NHSL2: variants seen among roughly 807,000 people sequenced by gnomAD.
The protein encoded by NHSL2 is NHS-like protein 2.
NHSL2 carries 27 observed loss-of-function variants against 53.4 expected under a neutral mutation model. That is an observed-to-expected ratio of 0.51 (90% CI 0.37 to 0.70). The LOEUF (loss-of-function observed/expected upper bound fraction) is 0.70. NHSL2 is among the 30% of genes least tolerant of loss of function. The pLI is 0.00. For synonymous variants in NHSL2, 408 were observed against 404.1 expected, an observed-to-expected ratio of 1.01 and a Z score of -0.12; for missense variants, 892 against 980.1, an observed-to-expected ratio of 0.91 and a Z score of 1.20.
intron 1 of NHSL2, among the ~76,000 whole-genome samples, chrX:72,102,071 C>T (rs1044881628): frequency 8.9e-6 from 1 of 112,559 alleles, no homozygotes; most frequent in African/African-American, 3.2e-5. Context: ...AGTGCAGAGC[C>T]TGTCACGTGC....
At chrX:72,056,082 T>C (rs1289397525) in intron 1 of NHSL2, among the ~76,000 whole-genome samples, 1 of 112,412 alleles carries the variant, frequency 8.9e-6, no homozygotes, top group African/African-American at 3.2e-5. Context: ...TATTACCACC[T>C]AGATTTGGCC....
intron 1 of NHSL2, among the ~76,000 whole-genome samples, chrX:72,056,270 T>C (rs544416205): frequency 6.2e-5 from 7 of 112,005 alleles, no homozygotes; most frequent in African/African-American, 1.9e-4. Flanking sequence ...TAGAGATGCA[T>C]GTACAAAGAT....
At position 72,065,380 on chromosome X, in the gene NHSL2, G is replaced by T. The variant is rs187188023; in HGVS notation, c.281-66699G>T. ...AGAGAAGGTTCATGAATACGTGGAA[G>T]ATTTGGAACAATTCCAGGACATCTA... On this transcript the variant is annotated intron_variant, in intron 1 of 7. Transcript: ENST00000633930. 1.1e-3 allele frequency among the ~76,000 whole-genome samples: 122 copies of T among 112,479 alleles called. 1 individual carries two copies. Among genetic ancestry groups the T allele is most frequent in the African/African-American group, 3.7e-3 (116 of 30,965 alleles).
intron 1 of NHSL2, among the ~76,000 whole-genome samples, chrX:71,965,626 T>G (rs1437895635): frequency 8.9e-6 from 1 of 112,083 alleles, no homozygotes; most frequent in Non-Finnish European, 1.9e-5. Flanking sequence ...TTAGAATCAG[T>G]TTGTTGATAT....
intron 7 of NHSL2, 147 bp from the exon 8 acceptor site, chrX:72,143,106 G>A: frequency 2.2e-6 from 1 of 450,474 alleles, no homozygotes; most frequent in Middle Eastern, 6.3e-4. Context: ...GGACTCTGAG[G>A]ATTTAGAGGT....
chrX:72,144,695 G>C lies in NHSL2; in HGVS notation c.*1121G>C. ...AAAGGCAGTCTTGCCAGTTGCTATGGCCCATAATGCACACACACACACACA... is the reference window on the plus strand; with the variant it reads ...AAAGGCAGTCTTGCCAGTTGCTATGCCCCATAATGCACACACACACACACA... On this transcript the variant is annotated 3_prime_UTR_variant, in exon 8 of 8. Transcript: ENST00000633930. The C allele has an allele frequency of 3.7e-6, 1 of 271,368 alleles. No homozygotes were observed. The highest frequency in any genetic ancestry group is 6.7e-6 in the Non-Finnish European group (1 of 150,110). The allele number at this position is 271,368 out of a possible 1,213,427, so 22.4% of individuals were successfully genotyped here.
chrX:72,108,686 A>G (rs991521409), intron 1 of NHSL2, among the ~76,000 whole-genome samples: 1 of 112,364 alleles, frequency 8.9e-6, no homozygotes, highest in Non-Finnish European at 1.9e-5. Flanking sequence ...TAGACGTGAA[A>G]TCCCGAGGCC....
intron 1 of NHSL2, among the ~76,000 whole-genome samples, chrX:72,011,707 G>A (rs1006925471): frequency 5.4e-5 from 6 of 111,260 alleles, no homozygotes; most frequent in African/African-American, 9.8e-5. Context: ...TTTCCAGAGC[G>A]GCTGTACCAT....
intron 1 of NHSL2, among the ~76,000 whole-genome samples, chrX:71,986,221 T>C (rs2042002358): frequency 8.9e-6 from 1 of 111,980 alleles, no homozygotes; most frequent in Non-Finnish European, 1.9e-5. Context: ...ACCTAATATC[T>C]AAAAGATTAA....
intron 1 of NHSL2, among the ~76,000 whole-genome samples, chrX:71,988,660 TG>T (rs1349592189): frequency 9.0e-6 from 1 of 111,373 alleles, no homozygotes; most frequent in Non-Finnish European, 1.9e-5. Context: ...GTCGGCCAAC[TG>T]GTGCTGCAGA....
At chrX:72,066,578 TGAGAAGAG>T (rs1223405779) in intron 1 of NHSL2, among the ~76,000 whole-genome samples, 1 of 110,788 alleles carries the variant, frequency 9.0e-6, no homozygotes, top group Non-Finnish European at 1.9e-5. Context: ...GAAGCTCAGA[TGAGAAGAG>T]GAGAAGAGTG....
At chrX:71,941,443 G>A (rs980107386) in intron 1 of NHSL2, among the ~76,000 whole-genome samples, 1 of 111,435 alleles carries the variant, frequency 9.0e-6, no homozygotes, top group African/African-American at 3.3e-5. Flanking sequence ...GAATGGTTAA[G>A]GGGCTCTGGA....
rs749601695 is a variant in NHSL2 at position 72,132,364 on chromosome X, C to T, written c.436+130C>T. The stretch of plus-strand genomic sequence containing the variant: ...GAGAGTTTAAAAACAATCGACAAAG[C>T]AGTTTCCAGCTTTCACCTTTCAGCC... On this transcript the variant is annotated intron_variant, in intron 2 of 7. Coordinates refer to ENST00000633930, the MANE Select transcript of NHSL2 (RefSeq NM_001013627.3). The T allele has an allele frequency of 1.3e-5, 8 of 620,207 alleles. No individual in the cohort carries two copies. In the South Asian group the frequency reaches 2.4e-4, roughly 18 times the overall value. 51.1% of individuals were successfully genotyped at this position (620,207 alleles called of 1,213,427 possible).
At chrX:72,037,583 A>G (rs1049483387) in intron 1 of NHSL2, among the ~76,000 whole-genome samples, 4 of 111,631 alleles carry the variant, frequency 3.6e-5, no homozygotes, top group Non-Finnish European at 7.5e-5. Context: ...GATGCTTCAC[A>G]CAGGGGCAGA....
At chrX:72,140,870 C>A in intron 6 of NHSL2, 99 bp downstream of exon 6, 2 of 741,858 alleles carry the variant, frequency 2.7e-6, no homozygotes, top group East Asian at 3.5e-5. Flanking sequence ...GAATAATTAT[C>A]CTGATCCCAA....
At chrX:72,119,147 A>G (rs2042162728) in intron 1 of NHSL2, among the ~76,000 whole-genome samples, 1 of 111,885 alleles carries the variant, frequency 8.9e-6, no homozygotes, top group African/African-American at 3.3e-5. Flanking sequence ...GTCTATCCTT[A>G]TGTTAGCAAC....
rs1049847024 is a variant in NHSL2, at chrX:72,056,479, C to T, written c.281-75600C>T. Among the ~76,000 whole-genome samples the T allele has an allele frequency of 1.7e-4, 19 of 111,288 alleles. 1 individual carries two copies. The highest frequency in any genetic ancestry group is 3.2e-4 in the Non-Finnish European group (17 of 53,149). Reference sequence around the variant, plus strand: ...GCCTCACCAATATACTCTCTCAGCACCCTGTACCCTTTATTCATTGCAGTT... The same window carrying T: ...GCCTCACCAATATACTCTCTCAGCATCCTGTACCCTTTATTCATTGCAGTT... On this transcript the variant is annotated intron_variant, in intron 1 of 7. Transcript: ENST00000633930.
chrX:72,132,564 G>GC (rs2042317017), intron 2 of NHSL2, among the ~76,000 whole-genome samples: 1 of 108,457 alleles, frequency 9.2e-6, no homozygotes, highest in African/African-American at 3.4e-5. Flanking sequence ...ATTCCCTCCA[G>GC]CCCCCCTCTT....
intron 1 of NHSL2, chrX:72,069,672 C>T: frequency 1.1e-6 from 1 of 938,121 alleles, no homozygotes; most frequent in Non-Finnish European, 1.3e-6. Context: ...GCGGTGGCTG[C>T]CAGTCCAGAG....
Sources: allele counts gnomAD v4.1 joint callset (sites outside exome capture counted in the v4.1 genomes callset), GRCh38; gene constraint gnomAD v4.1.1; transcripts MANE v1.5; gene names NCBI Gene and HGNC (gene_info 2026-07-23, HGNC 2026-07-21).